The following CELF2 variants were observed in gnomAD, a reference collection of about 807,000 sequenced individuals.
CELF2 encodes the protein CUG triplet repeat RNA-binding protein 2.
A neutral mutation model predicts 62.6 loss-of-function variants in CELF2; 8 were observed. The observed-to-expected ratio is 0.13, with a 90% CI of 0.07 to 0.23. The LOEUF is 0.23. Among genes scored for constraint, CELF2 ranks in the 10% least tolerant of loss-of-function variants. CELF2 has a pLI of 1.00. For missense variants in CELF2, 333 were observed against 671.0 expected, an observed-to-expected ratio of 0.50 and a Z score of 5.56; for synonymous variants, 258 against 250.0, an observed-to-expected ratio of 1.03 and a Z score of -0.30.
the CELF2 span, among the ~76,000 whole-genome samples, chr10:10,702,808 A>G: frequency 6.6e-6 from 1 of 152,048 alleles, no homozygotes; most frequent in Non-Finnish European, 1.5e-5. Context: ...CTGGTCTCGA[A>G]CTCCTGACCT....
At chr10:11,000,923 G>A (rs1249684019), upstream of CELF2, among the ~76,000 whole-genome samples, 4 of 152,184 alleles carry the variant, frequency 2.6e-5, no homozygotes, top group African/African-American at 7.2e-5. Flanking sequence ...ATTTGCAGAC[G>A]TCACTGCTTT....
At chr10:11,313,774 C>T (rs1229900497) in intron 9 of CELF2, among the ~76,000 whole-genome samples, 1 of 146,596 alleles carries the variant, frequency 6.8e-6, no homozygotes, top group Non-Finnish European at 1.5e-5. Context: ...GCCCATCTTA[C>T]TCATGCCCAT....
chr10:10,547,675 G>GAC, the CELF2 span, among the ~76,000 whole-genome samples: 1 of 126,688 alleles, frequency 7.9e-6, no homozygotes, highest in Non-Finnish European at 1.7e-5. Flanking sequence ...CAAAAAGATA[G>GAC]AGAGAGAGAG....
the CELF2 span, among the ~76,000 whole-genome samples, chr10:10,650,881 A>G: frequency 6.6e-6 from 1 of 152,202 alleles, no homozygotes; most frequent in East Asian, 1.9e-4. Context: ...AGATGGCCGA[A>G]TAGGAACAGC....
At chr10:11,140,524 T>C (rs2061168997) in intron 1 of CELF2, among the ~76,000 whole-genome samples, 1 of 152,166 alleles carries the variant, frequency 6.6e-6, no homozygotes, top group East Asian at 1.9e-4. Flanking sequence ...CTCTTCTGTG[T>C]TTGTATTTAT....
the CELF2 span, among the ~76,000 whole-genome samples, chr10:10,586,877 C>T: frequency 1.7e-3 from 255 of 152,222 alleles, 1 homozygote; most frequent in African/African-American, 5.8e-3. Context: ...GGATTGTATA[C>T]GGCAGCTAGA....
intron 2 of CELF2, among the ~76,000 whole-genome samples, chr10:11,203,669 G>A (rs1456528663): frequency 2.6e-5 from 4 of 152,160 alleles, no homozygotes; most frequent in Admixed American, 2.6e-4. Flanking sequence ...TCTGTCTTCC[G>A]TCTGGCATTT....
the CELF2 span, among the ~76,000 whole-genome samples, chr10:10,467,371 T>C: frequency 1.3e-5 from 2 of 152,026 alleles, no homozygotes; most frequent in Admixed American, 6.6e-5. Flanking sequence ...TTACCTTAGT[T>C]TATTTGTCAA....
chr10:11,027,228 A>G (rs763894345), intron 1 of CELF2, among the ~76,000 whole-genome samples: 2 of 152,072 alleles, frequency 1.3e-5, no homozygotes, highest in Non-Finnish European at 2.9e-5. Context: ...CCATCCTTAC[A>G]TTGCCTCCTC....
the CELF2 span, among the ~76,000 whole-genome samples, chr10:10,588,424 G>C: frequency 1.3e-5 from 2 of 152,140 alleles, no homozygotes; most frequent in African/African-American, 4.8e-5. Flanking sequence ...TGGCAGCTCT[G>C]GCATTCTGTG....
chr10:10,877,408 C>T (rs2061171221), intron 1 of CELF2, among the ~76,000 whole-genome samples: 1 of 152,200 alleles, frequency 6.6e-6, no homozygotes, highest in Non-Finnish European at 1.5e-5. Flanking sequence ...CCCAGAAAGG[C>T]AGGACAACGA....
chr10:10,646,989 A>T, the CELF2 span, among the ~76,000 whole-genome samples: 1 of 152,150 alleles, frequency 6.6e-6, no homozygotes, highest in African/African-American at 2.4e-5. Flanking sequence ...ATGAGGGATG[A>T]TGAACTGAAG....
chr10:10,475,693 T>C, the CELF2 span, among the ~76,000 whole-genome samples: 4 of 152,082 alleles, frequency 2.6e-5, no homozygotes, highest in Non-Finnish European at 5.9e-5. Flanking sequence ...CATAGGTAAT[T>C]TGAGGCTAAG....
At chr10:10,714,445 C>G in the CELF2 span, among the ~76,000 whole-genome samples, 4 of 152,006 alleles carry the variant, frequency 2.6e-5, no homozygotes, top group Admixed American at 1.3e-4. Context: ...GGAGCTCTGC[C>G]GGCTAGACAT....
In CELF2 at chr10:11,217,122, G is replaced by A. The variant is rs957708516; in HGVS notation, c.272-303G>A. Among the ~76,000 whole-genome samples the A allele has an allele frequency of 2.0e-5, 3 of 152,122 alleles. No individual in the cohort carries two copies. Among genetic ancestry groups the A allele is most frequent in the Non-Finnish European group, 4.4e-5 (3 of 68,028 alleles). ...TCTTCACGTAGGTGCTATAACACAGGTCCCATTCACATCTCACCCATTCCT... is the reference window on the plus strand; with the variant it reads ...TCTTCACGTAGGTGCTATAACACAGATCCCATTCACATCTCACCCATTCCT... On this transcript the variant is annotated intron_variant, in intron 2 of 12. Coordinates refer to ENST00000633077, the MANE Select transcript of CELF2 (RefSeq NM_001326342.2). The surrounding 1 kb of genome is among the most constrained non-coding windows in gnomAD (Gnocchi z 5.6).
chr10:11,076,884 G>T (rs1174569167), intron 1 of CELF2, among the ~76,000 whole-genome samples: 5 of 152,162 alleles, frequency 3.3e-5, no homozygotes, highest in Non-Finnish European at 5.9e-5. Flanking sequence ...TTGTCTTGCA[G>T]ATCTAACTTG....
the CELF2 span, among the ~76,000 whole-genome samples, chr10:10,642,673 A>C: frequency 6.6e-6 from 1 of 152,270 alleles, no homozygotes; most frequent in Non-Finnish European, 1.5e-5. Flanking sequence ...TTGGAGAGAA[A>C]ACACTTATTT....
At chr10:11,284,531 A>G (rs2090477924) in intron 8 of CELF2, among the ~76,000 whole-genome samples, 1 of 148,678 alleles carries the variant, frequency 6.7e-6, no homozygotes. Flanking sequence ...TGGTGGGTGG[A>G]TGAGGGATGA....
chr10:11,241,968 G>A (rs1020285849), intron 3 of CELF2, among the ~76,000 whole-genome samples: 1 of 152,192 alleles, frequency 6.6e-6, no homozygotes, highest in African/African-American at 2.4e-5. Context: ...CGAGACACAA[G>A]TATTCTCCAT....
Sources: gnomAD v4.1 joint callset for allele counts (sites outside exome capture counted in the v4.1 genomes callset) on GRCh38, gnomAD v4.1.1 for gene constraint, Gnocchi (gnomAD v3.1) non-coding constraint, MANE v1.5 for transcripts, NCBI Gene and HGNC (gene_info 2026-07-23, HGNC 2026-07-21) for gene names.